Variants in MIR2052HG observed in about 807,000 individuals in gnomAD.
The protein encoded by MIR2052HG is MIR2052 host gene.
chr8:74,602,547 C>T (rs997442316), intron 1 of MIR2052HG, among the ~76,000 whole-genome samples: 2 of 151,082 alleles, frequency 1.3e-5, no homozygotes, highest in African/African-American at 4.9e-5. Context: ...AGTCTTGCTC[C>T]ATTGCCCAGG....
intron 4 of MIR2052HG, among the ~76,000 whole-genome samples, chr8:74,742,710 TCTC>T (rs1341584823): frequency 2.0e-5 from 3 of 152,152 alleles, no homozygotes; most frequent in African/African-American, 4.8e-5. Context: ...TGCCACCCAT[TCTC>T]CTTCCTCCCC....
intron 4 of MIR2052HG, among the ~76,000 whole-genome samples, chr8:74,721,192 A>C (rs1293887822): frequency 1.3e-5 from 2 of 152,116 alleles, no homozygotes; most frequent in African/African-American, 4.8e-5. Context: ...GTTCCAGTGG[A>C]TGGGCTGGGG....
At chr8:74,752,320 A>G (rs1429037028) in intron 4 of MIR2052HG, 2 of 328,418 alleles carry the variant, frequency 6.1e-6, no homozygotes, top group Non-Finnish European at 1.2e-5. Context: ...ATTTTAAGAG[A>G]TTAATTTTCA....
intron 2 of MIR2052HG, among the ~76,000 whole-genome samples, chr8:74,634,119 G>T (rs188101091): frequency 6.6e-6 from 1 of 152,218 alleles, no homozygotes; most frequent in South Asian, 2.1e-4. Flanking sequence ...CTTGTAGAAA[G>T]CATGCTTGCT....
intron 2 of MIR2052HG, among the ~76,000 whole-genome samples, chr8:74,681,544 T>G (rs941154826): frequency 1.3e-5 from 2 of 152,160 alleles, no homozygotes; most frequent in Non-Finnish European, 2.9e-5. Flanking sequence ...GAAATTTAAT[T>G]GCCAATGTAA....
chr8:74,630,970 A>C (rs1372630586), intron 2 of MIR2052HG, among the ~76,000 whole-genome samples: 1 of 152,212 alleles, frequency 6.6e-6, no homozygotes, highest in Non-Finnish European at 1.5e-5. Flanking sequence ...GCTCTCATCT[A>C]TGCTTAAATG....
At chr8:74,646,846 T>A (rs1443854833) in intron 2 of MIR2052HG, among the ~76,000 whole-genome samples, 1 of 152,134 alleles carries the variant, frequency 6.6e-6, no homozygotes, top group Admixed American at 6.6e-5. Flanking sequence ...GAGAATTGCT[T>A]GAGCCTGGGA....
At chr8:74,608,507 T>C (rs1048511523) in intron 1 of MIR2052HG, among the ~76,000 whole-genome samples, 4 of 152,190 alleles carry the variant, frequency 2.6e-5, no homozygotes, top group African/African-American at 9.7e-5. Flanking sequence ...AAAATCAGAA[T>C]ACACATTCTT....
intron 2 of MIR2052HG, among the ~76,000 whole-genome samples, chr8:74,688,935 T>C (rs1012944957): frequency 6.6e-6 from 1 of 152,210 alleles, no homozygotes; most frequent in South Asian, 2.1e-4. Flanking sequence ...TCTGAGGAAC[T>C]TCCTTTTTAA....
intron 4 of MIR2052HG, among the ~76,000 whole-genome samples, chr8:74,714,787 C>T (rs773489085): frequency 1.3e-5 from 2 of 150,702 alleles, no homozygotes; most frequent in Middle Eastern, 3.5e-3. Context: ...TCGCTGCAAC[C>T]TCTCCCTCCT....
At chr8:74,600,126 C>G (rs1563507270) in intron 1 of MIR2052HG, among the ~76,000 whole-genome samples, 2 of 152,186 alleles carry the variant, frequency 1.3e-5, no homozygotes, top group Non-Finnish European at 2.9e-5. Flanking sequence ...CGCCCACTGT[C>G]TGGCACTCCC....
At chr8:74,702,422 T>A in exon 3 of MIR2052HG, 1 of 455,084 alleles carries the variant, frequency 2.2e-6, no homozygotes, top group Non-Finnish European at 4.4e-6. Flanking sequence ...CAGTTTCATC[T>A]GATTTGAAGA....
At chr8:74,686,034 C>A (rs750259677) in intron 2 of MIR2052HG, among the ~76,000 whole-genome samples, 6 of 151,710 alleles carry the variant, frequency 4.0e-5, no homozygotes, top group Admixed American at 1.3e-4. Flanking sequence ...AACTGCTCTG[C>A]TTATACTTTG....
chr8:74,716,126 C>CACT (rs762440776), intron 4 of MIR2052HG, among the ~76,000 whole-genome samples: 1 of 152,156 alleles, frequency 6.6e-6, no homozygotes, highest in Non-Finnish European at 1.5e-5. Context: ...GGCCCACTCC[C>CACT]ACTAGTGTAC....
intron 2 of MIR2052HG, among the ~76,000 whole-genome samples, chr8:74,639,299 ATCTTTTTGATCCTCCATTCAGAGACACAT>A (rs1808613925): frequency 6.6e-6 from 1 of 152,186 alleles, no homozygotes; most frequent in Admixed American, 6.5e-5. Flanking sequence ...CTTTATAAAA[ATCTTTTTGATCCTCCATTCAGAGACACAT>A]TCTCACTTTT....
chr8:74,650,496 C>T (rs1242435985), intron 2 of MIR2052HG, among the ~76,000 whole-genome samples: 2 of 152,068 alleles, frequency 1.3e-5, no homozygotes, highest in Non-Finnish European at 2.9e-5. Context: ...AATAATGCTG[C>T]TATGGCCATT....
exon 4 of MIR2052HG, chr8:74,703,658 G>A (rs1809379414): frequency 2.2e-6 from 1 of 452,686 alleles, no homozygotes; most frequent in Non-Finnish European, 4.4e-6. Context: ...GAATGTTCTG[G>A]AGTGATTTAT....
At chr8:74,684,918 A>G (rs993233388) in intron 2 of MIR2052HG, among the ~76,000 whole-genome samples, 1 of 152,102 alleles carries the variant, frequency 6.6e-6, no homozygotes, top group East Asian at 1.9e-4. Flanking sequence ...ATGAATGACA[A>G]TGGAGGTGTG....
chr8:74,743,663 T>C (rs550265405), intron 4 of MIR2052HG, among the ~76,000 whole-genome samples: 32 of 152,322 alleles, frequency 2.1e-4, no homozygotes, highest in African/African-American at 7.5e-4. Context: ...ATTAAAGCTG[T>C]AGATCTGAAT....
Sources: allele counts gnomAD v4.1 joint callset (sites outside exome capture counted in the v4.1 genomes callset), GRCh38; gene constraint gnomAD v4.1.1; transcripts MANE v1.5; gene names NCBI Gene and HGNC (gene_info 2026-07-23, HGNC 2026-07-21).